SNRPB: variants seen among roughly 807,000 people sequenced by gnomAD.
The protein encoded by SNRPB is small nuclear ribonucleoprotein-associated proteins B and B'.
Under a neutral mutation model 26.6 loss-of-function variants are expected in SNRPB, and 5 were observed. The observed-to-expected ratio is 0.19, with a 90% confidence interval of 0.10 to 0.39. The LOEUF is 0.39. SNRPB is among the 10% of genes least tolerant of loss of function. SNRPB has a pLI of 1.00. For missense variants in SNRPB, 211 were observed against 311.9 expected, an observed-to-expected ratio of 0.68 and a Z score of 2.44; for synonymous variants, 122 against 105.8, an observed-to-expected ratio of 1.15 and a Z score of -0.94.
chr20:2,463,152 T>C lies in SNRPB; in HGVS notation c.496A>G (p.Thr166Ala), dbSNP rs1353184166. The change falls in exon 5 of 7, where the codon ACC (threonine) becomes GCC (alanine). Residue 166 changes from threonine (T) to alanine (A), a missense_variant. Thr to Ala is a moderately conservative substitution (Grantham distance 58, BLOSUM62 0). Coordinates refer to ENST00000381342, the MANE Select transcript of SNRPB (RefSeq NM_003091.4). This position sits in a 1 kb window ranked among gnomAD's most constrained non-coding sequence, Gnocchi z 5.0. ...AATASIAGAP[T>A]QYPPGRGGPP... is the part of the protein sequence containing the mutation. Reference sequence around the variant, plus strand: ...CCCCCACGGCCAGGTGGGTACTGGGTTGGAGCCCCGGCAATACTGGCTGTG... The same window carrying C: ...CCCCCACGGCCAGGTGGGTACTGGGCTGGAGCCCCGGCAATACTGGCTGTG... 1 of 1,612,568 alleles carries C rather than the reference T, an allele frequency of 6.2e-7. No individual in the cohort carries two copies. Among genetic ancestry groups the C allele is most frequent in the Non-Finnish European group, 8.5e-7 (1 of 1,179,070 alleles).
chr20:2,463,067 G>C lies in SNRPB; in HGVS notation c.559+22C>G, dbSNP rs2085046787. 2 of 1,528,358 alleles carry C rather than the reference G, an allele frequency of 1.3e-6. No homozygotes were observed. The highest frequency in any genetic ancestry group is 4.4e-5 in the Admixed American group (2 of 45,170). The allele number at this position is 1,528,358 out of a possible 1,614,324, so 94.7% of individuals were successfully genotyped here. A position where few individuals can be genotyped will look rare whatever the true frequency, so the allele number is the denominator to read the frequency against. Reference sequence around the variant, plus strand: ...AAGGCATCTTCTATCAATTAGCACTGGTCTCCTTATGGGCTCCTCACCTGG... The same window carrying C: ...AAGGCATCTTCTATCAATTAGCACTCGTCTCCTTATGGGCTCCTCACCTGG... On this transcript the variant is annotated intron_variant, in intron 5 of 6. Coordinates refer to ENST00000381342, the MANE Select transcript of SNRPB (RefSeq NM_003091.4). The surrounding 1 kb of genome is among the most constrained non-coding windows in gnomAD (Gnocchi z 5.0).
intron 6 of SNRPB, 119 bp downstream of exon 6, chr20:2,462,517 T>C (rs1187020009): frequency 7.5e-6 from 7 of 937,546 alleles, no homozygotes; most frequent in Non-Finnish European, 1.2e-5. Context: ...CCTTTCTGGA[T>C]TTCCCTAGAT....
intron 6 of SNRPB, among the ~76,000 whole-genome samples, 189 bp from the exon 7 acceptor site, chr20:2,462,128 G>A (rs923279939): frequency 6.6e-6 from 1 of 152,188 alleles, no homozygotes; most frequent in Non-Finnish European, 1.5e-5. Context: ...GAATAATCCA[G>A]ACTAGAGAAA....
Position 2,463,342 on chromosome 20 carries a change from C to A in SNRPB, c.421-115G>T. On this transcript the variant is annotated intron_variant, in intron 4 of 6. Coordinates refer to ENST00000381342, the MANE Select transcript of SNRPB (RefSeq NM_003091.4). The surrounding 1 kb of genome is among the most constrained non-coding windows in gnomAD (Gnocchi z 5.0). ...ATAACAGACACCAAATCCCTTAATGCTACAACTCTCAGCACCAGACTTCCC... is the reference window on the plus strand; with the variant it reads ...ATAACAGACACCAAATCCCTTAATGATACAACTCTCAGCACCAGACTTCCC... 2.5e-6 allele frequency: 2 copies of A among 787,988 alleles called. No homozygotes were observed. The highest frequency in any genetic ancestry group is 4.4e-6 in the Non-Finnish European group (2 of 456,502). The allele number at this position is 787,988 out of a possible 1,614,324, so 48.8% of individuals were successfully genotyped here.
At chr20:2,466,915 G>A (rs1255273039) in intron 2 of SNRPB, among the ~76,000 whole-genome samples, 2 of 152,152 alleles carry the variant, frequency 1.3e-5, no homozygotes, top group African/African-American at 4.8e-5. Flanking sequence ...CAAAGTGAGT[G>A]ACAGAATAAT....
intron 1 of SNRPB, among the ~76,000 whole-genome samples, chr20:2,468,156 T>C (rs1055236884): frequency 2.6e-5 from 4 of 152,160 alleles, no homozygotes; most frequent in Admixed American, 6.5e-5. Flanking sequence ...TTAAAAACAC[T>C]GAGTAAAGGA....
chr20:2,466,567 T>C (rs770357753), intron 2 of SNRPB, among the ~76,000 whole-genome samples: 70 of 152,182 alleles, frequency 4.6e-4, no homozygotes, highest in Non-Finnish European at 9.3e-4. Context: ...TATTTTACAG[T>C]ATATTAACTG....
intron 3 of SNRPB, among the ~76,000 whole-genome samples, chr20:2,464,895 A>T (rs1008573992): frequency 6.6e-6 from 1 of 151,034 alleles, no homozygotes; most frequent in African/African-American, 2.5e-5. Flanking sequence ...AAAAAAAAAA[A>T]CCCTTCAAAT....
chr20:2,463,048 T>A lies in SNRPB; in HGVS notation c.559+41A>T. The A allele has an allele frequency of 1.3e-6, 2 of 1,494,208 alleles. No individual in the cohort carries two copies. The highest frequency in any genetic ancestry group is 1.4e-5 in the African/African-American group (1 of 71,208). 92.6% of individuals were successfully genotyped at this position (1,494,208 alleles called of 1,614,324 possible). A position where few individuals can be genotyped will look rare whatever the true frequency, so the allele number is the denominator to read the frequency against. On this transcript the variant is annotated intron_variant, in intron 5 of 6. Transcript: ENST00000381342. The surrounding 1 kb of genome is among the most constrained non-coding windows in gnomAD (Gnocchi z 5.0). The stretch of plus-strand genomic sequence containing the variant: ...TCTCATCATTAATCCAGCTAAGGCA[T>A]CTTCTATCAATTAGCACTGGTCTCC...
intron 3 of SNRPB, 82 bp downstream of exon 3, chr20:2,465,626 C>A: frequency 1.1e-6 from 1 of 932,204 alleles, no homozygotes; most frequent in Non-Finnish European, 1.7e-6. Flanking sequence ...CCTGTGAGAA[C>A]TGCAATGAAA....
At position 2,463,020 on chromosome 20, in the gene SNRPB, A is replaced by G. The variant is rs1207450750; in HGVS notation, c.559+69T>C. On this transcript the variant is annotated intron_variant, in intron 5 of 6. Coordinates refer to ENST00000381342, the MANE Select transcript of SNRPB (RefSeq NM_003091.4). This position sits in a 1 kb window ranked among gnomAD's most constrained non-coding sequence, Gnocchi z 5.0. ...CTCATCATCAGCTTCAGTCAAGGTTATATCTCATCATTAATCCAGCTAAGG... is the reference window on the plus strand; with the variant it reads ...CTCATCATCAGCTTCAGTCAAGGTTGTATCTCATCATTAATCCAGCTAAGG... The G allele has an allele frequency of 1.8e-5, 24 of 1,331,068 alleles. No individual in the cohort carries two copies. Among genetic ancestry groups the G allele is most frequent in the Admixed American group, 9.2e-5 (4 of 43,398 alleles). 82.5% of individuals were successfully genotyped at this position (1,331,068 alleles called of 1,614,324 possible). A position where few individuals can be genotyped will look rare whatever the true frequency, so the allele number is the denominator to read the frequency against.
intron 1 of SNRPB, among the ~76,000 whole-genome samples, chr20:2,469,392 G>A (rs1056256802): frequency 3.9e-5 from 6 of 152,156 alleles, no homozygotes; most frequent in Admixed American, 2.0e-4. Flanking sequence ...TCATTTTGCT[G>A]GTTAAAATCC....
intron 1 of SNRPB, 81 bp from the exon 2 acceptor site, chr20:2,467,839 C>T (rs1600001620): frequency 3.0e-6 from 4 of 1,337,234 alleles, no homozygotes; most frequent in East Asian, 2.3e-5. Flanking sequence ...CTTCCCATGG[C>T]GTTCTTGTCC....
rs1157696025 is a variant in SNRPB at position 2,461,869 on chromosome 20, G to C, written c.*60C>G. 6.2e-7 allele frequency: 1 copy of C among 1,613,826 alleles called. No individual in the cohort carries two copies. The highest frequency in any genetic ancestry group is 1.1e-5 in the South Asian group (1 of 91,070). On this transcript the variant is annotated 3_prime_UTR_variant, in exon 7 of 7. Coordinates refer to ENST00000381342, the MANE Select transcript of SNRPB (RefSeq NM_003091.4). ...GAAACAAACAGGTCTGTGGTAACGT[G>C]GCCCTGAGGAATCGAGCCCACGCCT... is the stretch of plus-strand genomic sequence containing the variant.
At chr20:2,466,342 A>T (rs1358584311) in intron 2 of SNRPB, among the ~76,000 whole-genome samples, 1 of 152,266 alleles carries the variant, frequency 6.6e-6, no homozygotes. Flanking sequence ...TCACATACAC[A>T]GAAATTGAAA....
rs1443756752 is a variant in SNRPB, at chr20:2,467,639, G to A, written c.123C>T (p.Ile41=). ...FKAFDKHMNL[I]LCDCDEFRKI... Reference sequence around the variant, plus strand: ...TTCTGAACTCATCACAGTCACAGAGGATCAAATTCATGTGCTTGTCAAAAG... The same window carrying A: ...TTCTGAACTCATCACAGTCACAGAGAATCAAATTCATGTGCTTGTCAAAAG... Residue 41 remains isoleucine, a synonymous_variant, in exon 2 of 7, where the codon ATC becomes ATT. Coordinates refer to ENST00000381342, the MANE Select transcript of SNRPB (RefSeq NM_003091.4). 13 of 1,614,132 alleles carry A rather than the reference G, an allele frequency of 8.1e-6. No homozygotes were observed. In the Middle Eastern group the frequency reaches 8.2e-4, roughly 102 times the overall value.
Position 2,461,685 on chromosome 20 carries a change from A to G in SNRPB, c.*244T>C. The G allele has an allele frequency of 9.4e-7, 1 of 1,063,992 alleles. No individual in the cohort carries two copies. Among genetic ancestry groups the G allele is most frequent in the East Asian group, 2.5e-5 (1 of 39,678 alleles). 65.9% of individuals were successfully genotyped at this position (1,063,992 alleles called of 1,614,324 possible). ...TTATTATAAACCAGTTTCATAGGCCACAAGGAGATAAAAGGACTATGTACA... is the reference window on the plus strand; with the variant it reads ...TTATTATAAACCAGTTTCATAGGCCGCAAGGAGATAAAAGGACTATGTACA... On this transcript the variant is annotated 3_prime_UTR_variant, in exon 7 of 7. Transcript: ENST00000381342.
intron 2 of SNRPB, chr20:2,467,306 C>A (rs786201019): frequency 5.2e-5 from 27 of 517,452 alleles, no homozygotes; most frequent in Admixed American, 2.9e-4. Flanking sequence ...AGCTCTCCCC[C>A]CTCACACACC....
rs368777470 is a variant in SNRPB, at chr20:2,469,479, G to A, written c.3+1209C>T. Among the ~76,000 whole-genome samples the A allele has an allele frequency of 5.9e-5, 9 of 152,238 alleles. 1 individual carries two copies. In the South Asian group the frequency reaches 1.0e-3, roughly 18 times the overall value. On this transcript the variant is annotated intron_variant, in intron 1 of 6. Transcript: ENST00000381342. ...GGCCAAGGTGGGTGGATTAACTGAG[G>A]TCAGGAGTTCGAGACCAGTCTGGCC...
Sources: gnomAD v4.1 joint callset for allele counts (sites outside exome capture counted in the v4.1 genomes callset) on GRCh38, gnomAD v4.1.1 for gene constraint, Gnocchi (gnomAD v3.1) non-coding constraint, MANE v1.5 for transcripts, NCBI Gene and HGNC (gene_info 2026-07-23, HGNC 2026-07-21) for gene names.